STAU2: variants seen among roughly 807,000 people sequenced by gnomAD.
STAU2 encodes double-stranded RNA-binding protein Staufen homolog 2.
In STAU2, 20 loss-of-function variants were observed where a neutral mutation model predicts 65.9. That is an observed-to-expected ratio of 0.30 (90% confidence interval 0.21 to 0.44). STAU2 has a LOEUF of 0.44. Among genes scored for constraint, STAU2 ranks in the 20% least tolerant of loss-of-function variants. The pLI, the probability that STAU2 is intolerant of heterozygous loss-of-function variation, is 1.00. For synonymous variants in STAU2, 232 were observed against 233.9 expected, an observed-to-expected ratio of 0.99 and a Z score of 0.07; for missense variants, 558 against 683.9, an observed-to-expected ratio of 0.82 and a Z score of 2.05.
At chr8:73,464,609 C>T (rs1053988732) in intron 13 of STAU2, among the ~76,000 whole-genome samples, 343 of 152,282 alleles carry the variant, frequency 2.3e-3, no homozygotes, top group African/African-American at 7.3e-3. Context: ...CGCACACACA[C>T]ACACACACAC....
At chr8:73,575,819 C>A (rs1204967813) in intron 12 of STAU2, among the ~76,000 whole-genome samples, 1 of 13,480 alleles carries the variant, frequency 7.4e-5, no homozygotes, top group African/African-American at 8.7e-4. Context: ...ACAATACACA[C>A]ACAAAAAACC....
intron 13 of STAU2, among the ~76,000 whole-genome samples, chr8:73,469,808 G>C (rs902713112): frequency 1.3e-5 from 2 of 152,224 alleles, no homozygotes; most frequent in African/African-American, 4.8e-5. Flanking sequence ...GAGCGAGGTT[G>C]TTTGACAAAC....
At chr8:73,493,942 T>G (rs2128916587) in intron 13 of STAU2, among the ~76,000 whole-genome samples, 1 of 151,934 alleles carries the variant, frequency 6.6e-6, no homozygotes, top group African/African-American at 2.4e-5. Flanking sequence ...CAGGGCTGAA[T>G]GTCAAAAGCG....
intron 13 of STAU2, among the ~76,000 whole-genome samples, chr8:73,487,082 C>A (rs1002910835): frequency 1.3e-5 from 2 of 152,050 alleles, no homozygotes; most frequent in African/African-American, 4.8e-5. Flanking sequence ...CTTGAGACGT[C>A]TGGAAGTGGT....
intron 3 of STAU2, among the ~76,000 whole-genome samples, chr8:73,738,043 CA>C (rs1806567905): frequency 2.0e-5 from 3 of 152,114 alleles, no homozygotes; most frequent in Non-Finnish European, 4.4e-5. Context: ...GATGTGACAT[CA>C]AGAAGAACAG....
intron 6 of STAU2, among the ~76,000 whole-genome samples, chr8:73,669,771 C>A (rs989739540): frequency 5.9e-5 from 9 of 152,232 alleles, no homozygotes; most frequent in African/African-American, 1.2e-4. Context: ...ACCTCCCCTA[C>A]AAGAACATGA....
chr8:73,634,387 G>A (rs539870479), intron 6 of STAU2, among the ~76,000 whole-genome samples: 1 of 152,226 alleles, frequency 6.6e-6, no homozygotes, highest in African/African-American at 2.4e-5. Flanking sequence ...AATTAGCTGG[G>A]TGTGGTGGCA....
At chr8:73,665,667 GAAACCA>G (rs1159557036) in intron 6 of STAU2, among the ~76,000 whole-genome samples, 2 of 152,110 alleles carry the variant, frequency 1.3e-5, no homozygotes, top group Non-Finnish European at 2.9e-5. Context: ...TCTGGTGGCA[GAAACCA>G]AAACTGTAGG....
chr8:73,518,833 T>C (rs1207695114), intron 13 of STAU2, among the ~76,000 whole-genome samples: 1 of 152,192 alleles, frequency 6.6e-6, no homozygotes, highest in Admixed American at 6.5e-5. Context: ...ATATAATTTG[T>C]GTAAAACGAA....
chr8:73,731,078 G>A (rs761981475), intron 3 of STAU2, among the ~76,000 whole-genome samples: 3 of 152,176 alleles, frequency 2.0e-5, no homozygotes, highest in Non-Finnish European at 2.9e-5. Flanking sequence ...GTAGGAACAC[G>A]ACTATTTGAA....
chr8:73,518,224 C>G (rs936231284), intron 13 of STAU2, among the ~76,000 whole-genome samples: 1 of 152,140 alleles, frequency 6.6e-6, no homozygotes, highest in Non-Finnish European at 1.5e-5. Context: ...AAAATTCAGT[C>G]AAGTCTAATT....
intron 13 of STAU2, among the ~76,000 whole-genome samples, chr8:73,464,402 C>T (rs1307496960): frequency 6.6e-6 from 1 of 152,200 alleles, no homozygotes; most frequent in African/African-American, 2.4e-5. Context: ...TTCAAGCTTT[C>T]TGAGAAGCGC....
intron 13 of STAU2, among the ~76,000 whole-genome samples, chr8:73,546,123 CTTTTTTTTTTT>C (rs71561528): frequency 3.2e-5 from 3 of 93,316 alleles, no homozygotes; most frequent in South Asian, 8.5e-4. Flanking sequence ...GTTTGGTTTT[CTTTTTTTTTTT>C]TTTTTTTTTT....
intron 3 of STAU2, among the ~76,000 whole-genome samples, chr8:73,713,775 A>AT (rs1821055982): frequency 2.0e-5 from 3 of 152,172 alleles, no homozygotes. Context: ...TTAAAGTAGC[A>AT]TTTTTTAAAG....
At chr8:73,715,451 CAAAAAAA>C (rs35959123) in intron 3 of STAU2, among the ~76,000 whole-genome samples, 1 of 123,870 alleles carries the variant, frequency 8.1e-6, no homozygotes, top group Non-Finnish European at 1.6e-5. Context: ...GTGAGACTGT[CAAAAAAA>C]AAAAAAAAGA....
At chr8:73,588,585 G>A (rs1047860802) in intron 11 of STAU2, among the ~76,000 whole-genome samples, 2 of 152,274 alleles carry the variant, frequency 1.3e-5, no homozygotes, top group Non-Finnish European at 1.5e-5. Context: ...TTAAGCCACC[G>A]GGGGAAGGGT....
chr8:73,727,087 G>A (rs981465604), intron 3 of STAU2, among the ~76,000 whole-genome samples: 13 of 152,024 alleles, frequency 8.6e-5, no homozygotes, highest in Non-Finnish European at 1.6e-4. Context: ...AAATTTAGCT[G>A]GGCGTGGCGG....
At chr8:73,564,683 A>T (rs1808472546) in intron 12 of STAU2, among the ~76,000 whole-genome samples, 2 of 152,116 alleles carry the variant, frequency 1.3e-5, no homozygotes, top group Admixed American at 6.5e-5. Flanking sequence ...AAAAAAGAAA[A>T]TATACTCAGT....
chr8:73,695,798 G>C (rs915691466), intron 4 of STAU2, among the ~76,000 whole-genome samples: 1 of 152,190 alleles, frequency 6.6e-6, no homozygotes, highest in East Asian at 1.9e-4. Flanking sequence ...GGAAAGGGGA[G>C]GGAAGAGTGG....
Sources: gnomAD v4.1 joint callset for allele counts (sites outside exome capture counted in the v4.1 genomes callset) on GRCh38, gnomAD v4.1.1 for gene constraint, MANE v1.5 for transcripts, NCBI Gene and HGNC (gene_info 2026-07-23, HGNC 2026-07-21) for gene names.